The following HTR1B variants were observed in gnomAD, a reference collection of about 807,000 sequenced individuals.
The protein encoded by HTR1B is 5-hydroxytryptamine (serotonin) receptor 1B, G protein-coupled.
Under a neutral mutation model 25.3 loss-of-function variants are expected in HTR1B, and 12 were observed. The ratio of observed to expected loss-of-function variants is 0.47; its 90% CI spans 0.30 to 0.77. The LOEUF is 0.77. Ranked by LOEUF, HTR1B falls within the 30% of genes least tolerant of loss-of-function variation. HTR1B has a pLI of 0.06. For synonymous variants in HTR1B, 224 were observed against 219.1 expected (o/e 1.02, Z -0.20); for missense variants, 453 against 503.0 (o/e 0.90, Z 0.95).
rs979096185 is a variant in HTR1B at position 77,462,064 on chromosome 6, A to G, written c.*167T>C. On this transcript the variant is annotated 3_prime_UTR_variant, in exon 1 of 1. Coordinates refer to ENST00000369947, the MANE Select transcript of HTR1B (RefSeq NM_000863.3). This position sits in a 1 kb window ranked among gnomAD's most constrained non-coding sequence, Gnocchi z 4.9. Reference sequence around the variant, plus strand: ...TTAGTTTCAACACTTCTCCTTTCAGAGCTCTCTCTCAGGACTATTCTGGCT... The same window carrying G: ...TTAGTTTCAACACTTCTCCTTTCAGGGCTCTCTCTCAGGACTATTCTGGCT... The G allele has an allele frequency of 1.0e-5, 6 of 601,372 alleles. No individual in the cohort carries two copies. Among genetic ancestry groups the G allele is most frequent in the East Asian group, 5.6e-5 (2 of 35,976 alleles). The allele number at this position is 601,372 out of a possible 1,614,324, so 37.3% of individuals were successfully genotyped here.
rs1766162118 is a variant in HTR1B at position 77,462,892 on chromosome 6, G to C, written c.512C>G (p.Ala171Gly). Reference sequence around the variant, plus strand: ...AGAGATGGAGAAGACCCACACCAGCGCGATCATGACCGCCGCCCTCTTGGG... The same window carrying C: ...AGAGATGGAGAAGACCCACACCAGCCCGATCATGACCGCCGCCCTCTTGGG... ...RTPKRAAVMI[A>G]LVWVFSISIS... The change falls in exon 1 of 1, where the codon GCG becomes GGG. Residue 171 changes from alanine to glycine, a missense_variant. By Grantham distance (60) the Ala-to-Gly change is moderately conservative (BLOSUM62 0). This residue lies in a region of HTR1B where 289 missense variants were observed against 319.6 expected (regional missense o/e 0.90). Transcript: ENST00000369947. The surrounding 1 kb of genome is among the most constrained non-coding windows in gnomAD (Gnocchi z 4.9). 1 of 1,613,884 alleles carries C rather than the reference G, an allele frequency of 6.2e-7. No homozygotes were observed. Among genetic ancestry groups the C allele is most frequent in the African/African-American group, 1.3e-5 (1 of 74,922 alleles).
Position 77,462,921 on chromosome 6 carries a change from C to A in HTR1B, c.483G>T (p.Arg161Ser), listed in dbSNP as rs762804719. 3 of 1,614,032 alleles carry A rather than the reference C, an allele frequency of 1.9e-6. No homozygotes were observed. The Admixed American group carries it at 5.0e-5, about 27-fold the overall frequency. The part of the protein sequence containing the change: ...ITDAVEYSAK[R>S]TPKRAAVMIA... ...TCATGACCGCCGCCCTCTTGGGAGTCCTTTTAGCTGAGTACTCCACGGCGT... is the reference window on the plus strand; with the variant it reads ...TCATGACCGCCGCCCTCTTGGGAGTACTTTTAGCTGAGTACTCCACGGCGT... The change falls in exon 1 of 1, where the codon AGG becomes AGT. Residue 161 changes from arginine to serine, a missense_variant. Transcript: ENST00000369947. This position sits in a 1 kb window ranked among gnomAD's most constrained non-coding sequence, Gnocchi z 4.9.
Position 77,462,765 on chromosome 6 carries a change from C to T in HTR1B, c.639G>A (p.Thr213=), listed in dbSNP as rs201318237. Residue 213 remains threonine (T), a synonymous_variant, in exon 1 of 1, where the codon ACG becomes ACA. Transcript: ENST00000369947. The surrounding 1 kb of genome is among the most constrained non-coding windows in gnomAD (Gnocchi z 4.9). ...GGGTGGGGAAGTAGAAAGCACCCAC[C>T]GTGGAGTAGACCGTGTAGAGGATGT... The part of the protein sequence containing the change: ...TDHILYTVYS[T]VGAFYFPTLL... 8 of 1,613,994 alleles carry T rather than the reference C, an allele frequency of 5.0e-6. No individual in the cohort carries two copies. Among genetic ancestry groups the T allele is most frequent in the Non-Finnish European group, 5.9e-6 (7 of 1,180,020 alleles).
In HTR1B at chr6:77,461,359, T is replaced by C. The variant is rs1766132517; in HGVS notation, c.*872A>G. 6.6e-6 allele frequency among the ~76,000 whole-genome samples: 1 copy of C among 152,130 alleles called. No homozygotes were observed. Among genetic ancestry groups the C allele is most frequent in the Admixed American group, 6.5e-5 (1 of 15,272 alleles). ...TTTATGGGGATTTAAATGTGTAAAG[T>C]GACAGGTACATGAAATTAAGAGAAA... On this transcript the variant is annotated 3_prime_UTR_variant, in exon 1 of 1. Transcript: ENST00000369947.
rs896601300 is a variant in HTR1B at position 77,462,122 on chromosome 6, G to T, written c.*109C>A. 2.8e-6 allele frequency: 2 copies of T among 724,962 alleles called. No individual in the cohort carries two copies. Among genetic ancestry groups the T allele is most frequent in the Non-Finnish European group, 4.7e-6 (2 of 422,428 alleles). The allele number at this position is 724,962 out of a possible 1,614,324, so 44.9% of individuals were successfully genotyped here. A position where few individuals can be genotyped will look rare whatever the true frequency, so the allele number is the denominator to read the frequency against. On this transcript the variant is annotated 3_prime_UTR_variant, in exon 1 of 1. Coordinates refer to ENST00000369947, the MANE Select transcript of HTR1B (RefSeq NM_000863.3). The surrounding 1 kb of genome is among the most constrained non-coding windows in gnomAD (Gnocchi z 4.9). The stretch of plus-strand genomic sequence containing the variant: ...ATCCATTGCCCTTGCCCAGGAGAGA[G>T]AGCCTCGCTGGGACCCAGAAACCGC...
Position 77,462,703 on chromosome 6 carries a change from T to A in HTR1B, c.701A>T (p.Glu234Val). Residue 234 changes from glutamate (E) to valine (V), a missense_variant, in exon 1 of 1, where the codon GAA becomes GTA. Physicochemically the swap from Glu to Val is moderately radical, Grantham distance 121. Transcript: ENST00000369947. The surrounding 1 kb of genome is among the most constrained non-coding windows in gnomAD (Gnocchi z 4.9). ...LIALYGRIYV[E>V]ARSRILKQTP... Reference sequence around the variant, plus strand: ...CTGTTTCAAAATCCGGGAGCGGGCTTCTACGTAGATGCGGCCATAGAGGGC... The same window carrying A: ...CTGTTTCAAAATCCGGGAGCGGGCTACTACGTAGATGCGGCCATAGAGGGC... The A allele has an allele frequency of 6.2e-7, 1 of 1,613,726 alleles. No individual in the cohort carries two copies. The highest frequency in any genetic ancestry group is 1.1e-5 in the South Asian group (1 of 91,072).
Position 77,462,382 on chromosome 6 carries a change from T to C in HTR1B, c.1022A>G (p.Lys341Arg). ...FIISLVMPICKDACWFHLAIF... is the reference protein window; with the variant it reads ...FIISLVMPICRDACWFHLAIF... Reference sequence around the variant, plus strand: ...GGCTAGGTGGAACCAGCAGGCATCTTTGCAGATAGGCATCACTAGGGAGAT... The same window carrying C: ...GGCTAGGTGGAACCAGCAGGCATCTCTGCAGATAGGCATCACTAGGGAGAT... The change falls in exon 1 of 1, where the codon AAA (lysine) becomes AGA (arginine). Residue 341 changes from lysine (K) to arginine (R), a missense_variant. Transcript: ENST00000369947. The surrounding 1 kb of genome is among the most constrained non-coding windows in gnomAD (Gnocchi z 4.9). 6.2e-7 allele frequency: 1 copy of C among 1,614,062 alleles called. No homozygotes were observed. Among genetic ancestry groups the C allele is most frequent in the Non-Finnish European group, 8.5e-7 (1 of 1,180,018 alleles).
At position 77,462,189 on chromosome 6, in the gene HTR1B, G is replaced by A; in HGVS notation, c.*42C>T. 2.9e-6 allele frequency: 4 copies of A among 1,362,856 alleles called. No homozygotes were observed. The highest frequency in any genetic ancestry group is 4.1e-6 in the Non-Finnish European group (4 of 970,702). 84.4% of individuals were successfully genotyped at this position (1,362,856 alleles called of 1,614,324 possible). On this transcript the variant is annotated 3_prime_UTR_variant, in exon 1 of 1. Transcript: ENST00000369947. The surrounding 1 kb of genome is among the most constrained non-coding windows in gnomAD (Gnocchi z 4.9). The stretch of plus-strand genomic sequence containing the variant: ...TACCTGTGGAACCAGACACAACTTG[G>A]TCCCCAAAGGTCGCTTAGGCGACCC...
chr6:77,462,103 T>A lies in HTR1B; in HGVS notation c.*128A>T. The A allele has an allele frequency of 4.6e-6, 3 of 656,888 alleles. No homozygotes were observed. The South Asian group carries it at 5.6e-5, about 12-fold the overall frequency. 40.7% of individuals were successfully genotyped at this position (656,888 alleles called of 1,614,324 possible). ...ACTATTCTGGCTTCTCAGGATCCATTGCCCTTGCCCAGGAGAGAGAGCCTC... is the reference window on the plus strand; with the variant it reads ...ACTATTCTGGCTTCTCAGGATCCATAGCCCTTGCCCAGGAGAGAGAGCCTC... On this transcript the variant is annotated 3_prime_UTR_variant, in exon 1 of 1. Transcript: ENST00000369947. The surrounding 1 kb of genome is among the most constrained non-coding windows in gnomAD (Gnocchi z 4.9).
At position 77,461,903 on chromosome 6, in the gene HTR1B, C is replaced by A. The variant is rs1326768708; in HGVS notation, c.*328G>T. The stretch of plus-strand genomic sequence containing the variant: ...GTGGGCATTATCCACGATACCAAAG[C>A]AGGGCAGGGATTCCCTTCCATTATC... On this transcript the variant is annotated 3_prime_UTR_variant, in exon 1 of 1. Coordinates refer to ENST00000369947, the MANE Select transcript of HTR1B (RefSeq NM_000863.3). 3.6e-6 allele frequency: 1 copy of A among 275,902 alleles called. No homozygotes were observed. The highest frequency in any genetic ancestry group is 2.2e-5 in the African/African-American group (1 of 45,860). The allele number at this position is 275,902 out of a possible 1,614,324, so 17.1% of individuals were successfully genotyped here.
At position 77,462,268 on chromosome 6, in the gene HTR1B, G is replaced by A; in HGVS notation, c.1136C>T (p.Ala379Val). 6.2e-7 allele frequency: 1 copy of A among 1,613,980 alleles called. No homozygotes were observed. The highest frequency in any genetic ancestry group is 2.2e-5 in the East Asian group (1 of 44,872). The change falls in exon 1 of 1, where the codon GCA (alanine) becomes GTA (valine). Residue 379 changes from alanine (A) to valine (V), a missense_variant. By Grantham distance (64) the Ala-to-Val change is moderately conservative. This residue lies in a region of HTR1B where 289 missense variants were observed against 319.6 expected (regional missense o/e 0.90). Transcript: ENST00000369947. This position sits in a 1 kb window ranked among gnomAD's most constrained non-coding sequence, Gnocchi z 4.9. ...YTMSNEDFKQ[A>V]FHKLIRFKCT... ...CTTAAAACGTATCAGTTTATGGAAT[G>A]CTTGTTTAAAGTCCTCATTGGACAT...
In HTR1B at chr6:77,462,928, G is replaced by T; in HGVS notation, c.476C>A (p.Ala159Asp). 2 of 1,614,064 alleles carry T rather than the reference G, an allele frequency of 1.2e-6. No homozygotes were observed. The highest frequency in any genetic ancestry group is 1.7e-6 in the Non-Finnish European group (2 of 1,180,042). The change falls in exon 1 of 1, where the codon GCT becomes GAT. Residue 159 changes from alanine (A) to aspartate (D), a missense_variant. This residue lies in a region of HTR1B where 289 missense variants were observed against 319.6 expected (regional missense o/e 0.90). Transcript: ENST00000369947. This position sits in a 1 kb window ranked among gnomAD's most constrained non-coding sequence, Gnocchi z 4.9. ...CGCCGCCCTCTTGGGAGTCCTTTTA[G>T]CTGAGTACTCCACGGCGTCCGTGAT... ...WAITDAVEYS[A>D]KRTPKRAAVM...
rs757652485 is a variant in HTR1B at position 77,462,475 on chromosome 6, C to T, written c.929G>A (p.Arg310His). The change falls in exon 1 of 1, where the codon CGC (arginine) becomes CAC (histidine). Residue 310 changes from arginine (R) to histidine (H), a missense_variant. This residue lies in a region of HTR1B where 289 missense variants were observed against 319.6 expected (regional missense o/e 0.90). Coordinates refer to ENST00000369947, the MANE Select transcript of HTR1B (RefSeq NM_000863.3). The surrounding 1 kb of genome is among the most constrained non-coding windows in gnomAD (Gnocchi z 4.9). ...GATCCCTAGGGTCTTGGTGGCTTTGCGCTCCCTAGCGGCCATGAGTTTCTT... is the reference window on the plus strand; with the variant it reads ...GATCCCTAGGGTCTTGGTGGCTTTGTGCTCCCTAGCGGCCATGAGTTTCTT... ...EKKKLMAARE[R>H]KATKTLGIIL... 1 of 1,613,740 alleles carries T rather than the reference C, an allele frequency of 6.2e-7. No individual in the cohort carries two copies. The highest frequency in any genetic ancestry group is 8.5e-7 in the Non-Finnish European group (1 of 1,179,996).
At position 77,462,368 on chromosome 6, in the gene HTR1B, A is replaced by G. The variant is rs757401382; in HGVS notation, c.1036T>C (p.Phe346Leu). 5.2e-5 allele frequency: 84 copies of G among 1,613,996 alleles called. No individual in the cohort carries two copies. The Admixed American group carries it at 1.3e-3, about 26-fold the overall frequency. Residue 346 changes from phenylalanine to leucine, a missense_variant, in exon 1 of 1, where the codon TTC becomes CTC. Physicochemically the swap from Phe to Leu is conservative, Grantham distance 22 (BLOSUM62 0). Coordinates refer to ENST00000369947, the MANE Select transcript of HTR1B (RefSeq NM_000863.3). The surrounding 1 kb of genome is among the most constrained non-coding windows in gnomAD (Gnocchi z 4.9). ...AAGAAGTCAAAGATGGCTAGGTGGA[A>G]CCAGCAGGCATCTTTGCAGATAGGC... is the stretch of plus-strand genomic sequence containing the variant. ...VMPICKDACW[F>L]HLAIFDFFTW...
rs776753830 is a variant in HTR1B at position 77,463,391 on chromosome 6, C to T, written c.13G>A (p.Gly5Ser). ...GGCGGCGGTGGAGCGCACTGAGCAC[C>T]CGGTTCCTCCATGGCTCTCCTCGCC... The part of the protein sequence containing the change: MEEP[G>S]AQCAPPPPAG... The change falls in exon 1 of 1, where the codon GGT (glycine) becomes AGT (serine). Residue 5 changes from glycine (G) to serine (S), a missense_variant. This residue lies in a region of HTR1B where 129 missense variants were observed against 118.3 expected (regional missense o/e 1.09). Coordinates refer to ENST00000369947, the MANE Select transcript of HTR1B (RefSeq NM_000863.3). 1 of 1,612,060 alleles carries T rather than the reference C, an allele frequency of 6.2e-7. No individual in the cohort carries two copies. Among genetic ancestry groups the T allele is most frequent in the South Asian group, 1.1e-5 (1 of 90,882 alleles).
In HTR1B at chr6:77,462,673, G is replaced by A. The variant is rs199762512; in HGVS notation, c.731C>T (p.Pro244Leu). The change falls in exon 1 of 1, where the codon CCC (proline) becomes CTC (leucine). Residue 244 changes from proline to leucine, a missense_variant. Physicochemically the swap from Pro to Leu is moderately conservative, Grantham distance 98. Coordinates refer to ENST00000369947, the MANE Select transcript of HTR1B (RefSeq NM_000863.3). This position sits in a 1 kb window ranked among gnomAD's most constrained non-coding sequence, Gnocchi z 4.9. ...EARSRILKQTPNRTGKRLTRA... is the reference protein window; with the variant it reads ...EARSRILKQTLNRTGKRLTRA... The stretch of plus-strand genomic sequence containing the variant: ...GGTCAAGCGCTTGCCGGTCCTGTTG[G>A]GCGTCTGTTTCAAAATCCGGGAGCG... 1.3e-5 allele frequency: 21 copies of A among 1,613,392 alleles called. No individual in the cohort carries two copies. In the Middle Eastern group the frequency reaches 8.2e-4, roughly 63 times the overall value.
rs201387359 is a variant in HTR1B at position 77,463,166 on chromosome 6, G to A, written c.238C>T (p.Leu80=). The change falls in exon 1 of 1, where the codon CTG becomes TTG. Residue 80 remains leucine, a synonymous_variant. Coordinates refer to ENST00000369947, the MANE Select transcript of HTR1B (RefSeq NM_000863.3). ...ATCAGGTAGTTAGCCGGGGTGTGCA[G>A]TTTCCGGGTCCGGTACACTGTGGCA... ...VIATVYRTRK[L]HTPANYLIAS... is the part of the protein sequence containing the mutation. 8.1e-6 allele frequency: 13 copies of A among 1,614,126 alleles called. No homozygotes were observed. Among genetic ancestry groups the A allele is most frequent in the African/African-American group, 5.3e-5 (4 of 74,950 alleles).
chr6:77,463,178 G>A lies in HTR1B; in HGVS notation c.226C>T (p.Arg76Trp), dbSNP rs768775173. The change falls in exon 1 of 1, where the codon CGG (arginine) becomes TGG (tryptophan). Residue 76 changes from arginine to tryptophan, a missense_variant. Coordinates refer to ENST00000369947, the MANE Select transcript of HTR1B (RefSeq NM_000863.3). ...GCCGGGGTGTGCAGTTTCCGGGTCC[G>A]GTACACTGTGGCAATCACAAAGGCA... ...SNAFVIATVY[R>W]TRKLHTPANY... is the part of the protein sequence containing the mutation. 6.8e-6 allele frequency: 11 copies of A among 1,614,110 alleles called. No homozygotes were observed. The highest frequency in any genetic ancestry group is 1.3e-5 in the African/African-American group (1 of 74,946).
In HTR1B at chr6:77,463,340, G is replaced by T; in HGVS notation, c.64C>A (p.Gln22Lys). 1 of 1,614,184 alleles carries T rather than the reference G, an allele frequency of 6.2e-7. No homozygotes were observed. ...PPAGSETWVP[Q>K]ANLSSAPSQN... ...GAGGGAGCAGAGGATAAGTTGGCTT[G>T]AGGAACCCAGGTCTCGGAGCCCGCG... The change falls in exon 1 of 1, where the codon CAA becomes AAA. Residue 22 changes from glutamine to lysine, a missense_variant. Gln to Lys is a moderately conservative substitution (Grantham distance 53). This residue lies in a region of HTR1B where 129 missense variants were observed against 118.3 expected (regional missense o/e 1.09). Transcript: ENST00000369947.
Sources: allele counts gnomAD v4.1 joint callset (sites outside exome capture counted in the v4.1 genomes callset), GRCh38; gene constraint gnomAD v4.1.1; regional missense constraint gnomAD v4.1.1; non-coding constraint Gnocchi (gnomAD v3.1); transcripts MANE v1.5; gene names NCBI Gene and HGNC (gene_info 2026-07-23, HGNC 2026-07-21).